NAV2: variants seen among roughly 807,000 people sequenced by gnomAD.
The protein encoded by NAV2 is helicase, APC down-regulated 1.
In NAV2, 54 loss-of-function variants were observed where a neutral mutation model predicts 223.2. The ratio of observed to expected loss-of-function variants is 0.24; its 90% CI spans 0.19 to 0.30. NAV2 has a LOEUF of 0.30. NAV2 is among the 10% of genes least tolerant of loss of function. NAV2 has a pLI of 1.00. For missense variants in NAV2, 2,806 were observed against 3,147.5 expected, an observed-to-expected ratio of 0.89 and a Z score of 2.60; for synonymous variants, 1,279 against 1,239.3, an observed-to-expected ratio of 1.03 and a Z score of -0.67.
chr11:20,004,380 T>C (rs964538119), intron 11 of NAV2, among the ~76,000 whole-genome samples: 4 of 152,168 alleles, frequency 2.6e-5, no homozygotes, highest in African/African-American at 9.7e-5. Context: ...CAAATGGGCA[T>C]GTAAAGTCCT....
chr11:19,587,121 C>A (rs1477079473), intron 1 of NAV2, among the ~76,000 whole-genome samples: 1 of 152,196 alleles, frequency 6.6e-6, no homozygotes, highest in African/African-American at 2.4e-5. Flanking sequence ...GCAGTTTGAT[C>A]TCAGATTGCT....
At position 20,057,468 on chromosome 11, in the gene NAV2, C is replaced by A. The variant is rs543204832; in HGVS notation, c.4831+1511C>A. ...GATTAAGGAGGGGAGAAGCCTGAGT[C>A]ACTGAGGGGCATTTGTGAGATTTAA... On this transcript the variant is annotated intron_variant, in intron 19 of 37. Coordinates refer to ENST00000349880, the MANE Select transcript of NAV2 (RefSeq NM_145117.5). Among the ~76,000 whole-genome samples the A allele has an allele frequency of 2.6e-5, 4 of 152,256 alleles. No homozygotes were observed. The South Asian group carries it at 8.3e-4, about 32-fold the overall frequency.
intron 3 of NAV2, among the ~76,000 whole-genome samples, chr11:19,852,478 C>A (rs546812197): frequency 2.0e-4 from 31 of 152,210 alleles, no homozygotes; most frequent in African/African-American, 7.5e-4. Flanking sequence ...ACATTGTGGG[C>A]CGATATACAT....
At chr11:19,992,169 A>G (rs2051400082) in intron 11 of NAV2, among the ~76,000 whole-genome samples, 1 of 152,260 alleles carries the variant, frequency 6.6e-6, no homozygotes. Flanking sequence ...TTTAAAGCTC[A>G]TAAAAGGAGC....
intron 1 of NAV2, among the ~76,000 whole-genome samples, chr11:19,526,215 C>T (rs1485821861): frequency 6.6e-6 from 1 of 152,180 alleles, no homozygotes; most frequent in African/African-American, 2.4e-5. Flanking sequence ...AAGCATAACT[C>T]TTAGAATGAG....
chr11:19,398,667 T>A (rs1849562742), intron 1 of NAV2, among the ~76,000 whole-genome samples: 1 of 152,138 alleles, frequency 6.6e-6, no homozygotes, highest in African/African-American at 2.4e-5. Context: ...CTTCCCTAAT[T>A]TCCTGAAGCT....
chr11:19,488,028 C>G (rs2042503072), intron 1 of NAV2, among the ~76,000 whole-genome samples: 2 of 152,176 alleles, frequency 1.3e-5, no homozygotes, highest in South Asian at 4.1e-4. Context: ...CCAGAGACAT[C>G]CTAAAAATTA....
At chr11:19,667,746 G>T (rs969519658) in intron 1 of NAV2, among the ~76,000 whole-genome samples, 17 of 152,190 alleles carry the variant, frequency 1.1e-4, no homozygotes, top group Admixed American at 3.3e-4. Context: ...TATGAGATTA[G>T]CTAGAAGCAC....
rs1027569334 is a variant in NAV2 at position 19,713,789 on chromosome 11, G to T, written c.94G>T (p.Ala32Ser). The T allele has an allele frequency of 6.2e-7, 1 of 1,612,944 alleles. No homozygotes were observed. ...CATCCTGCACGTGCCCCCGGCCCGG[G>T]CGGGCCCCCAGCCCTGCTACCTGAA... ...APILHVPPAR[A>S]GPQPCYLKLG... The change falls in exon 1 of 38, where the codon GCG (alanine) becomes TCG (serine). Residue 32 changes from alanine (A) to serine (S), a missense_variant. Coordinates refer to ENST00000349880, the MANE Select transcript of NAV2 (RefSeq NM_145117.5). The surrounding 1 kb of genome is among the most constrained non-coding windows in gnomAD (Gnocchi z 7.2).
upstream of NAV2, chr11:19,350,645 G>A (rs1417266678): frequency 1.2e-5 from 5 of 411,726 alleles, no homozygotes; most frequent in African/African-American, 1.0e-4. Context: ...TCAGGATATG[G>A]ACTTGTCTTT....
intron 1 of NAV2, among the ~76,000 whole-genome samples, chr11:19,750,589 C>T (rs2053724329): frequency 6.6e-6 from 1 of 152,204 alleles, no homozygotes; most frequent in Admixed American, 6.5e-5. Flanking sequence ...GTTAATGCTG[C>T]TTCCAGAGCA....
At chr11:19,732,266 A>G (rs1047307788) in intron 1 of NAV2, among the ~76,000 whole-genome samples, 2 of 151,856 alleles carry the variant, frequency 1.3e-5, no homozygotes, top group Non-Finnish European at 2.9e-5. Flanking sequence ...CTCAAGAAAA[A>G]AAAAAAAAGA....
At chr11:19,390,428 C>G (rs1304897202) in intron 1 of NAV2, among the ~76,000 whole-genome samples, 1 of 152,192 alleles carries the variant, frequency 6.6e-6, no homozygotes, top group Non-Finnish European at 1.5e-5. Context: ...AAATATGAAT[C>G]TGGTCCTTTT....
At chr11:20,043,850 T>C in intron 12 of NAV2, 131 bp from the exon 13 acceptor site, 1 of 791,754 alleles carries the variant, frequency 1.3e-6, no homozygotes, top group Non-Finnish European at 2.0e-6. Flanking sequence ...AGTACAAAAG[T>C]CCAAACATCT....
intron 11 of NAV2, among the ~76,000 whole-genome samples, chr11:20,002,112 A>T (rs1305680868): frequency 6.6e-6 from 1 of 152,208 alleles, no homozygotes; most frequent in Admixed American, 6.5e-5. Flanking sequence ...AAAGAGGGCA[A>T]GCTAGCTCTC....
intron 36 of NAV2, 130 bp from the exon 37 acceptor site, chr11:20,114,462 T>C (rs1279658259): frequency 2.4e-5 from 19 of 789,100 alleles, no homozygotes; most frequent in Admixed American, 1.1e-4. Context: ...GAGCATGGAA[T>C]AGAAGTGGAA....
At chr11:19,478,604 C>G (rs1024024087) in intron 1 of NAV2, among the ~76,000 whole-genome samples, 4 of 152,228 alleles carry the variant, frequency 2.6e-5, no homozygotes, top group Admixed American at 1.3e-4. Flanking sequence ...TGAGTTCTTG[C>G]TTCTGCAAAT....
intron 1 of NAV2, among the ~76,000 whole-genome samples, chr11:19,766,725 C>G (rs944156548): frequency 6.6e-5 from 10 of 152,292 alleles, no homozygotes; most frequent in African/African-American, 2.4e-4. Context: ...GGATCTCCTT[C>G]TATAGGCCAC....
chr11:19,659,892 A>G (rs1416228273), intron 1 of NAV2, among the ~76,000 whole-genome samples: 6 of 152,256 alleles, frequency 3.9e-5, no homozygotes, highest in African/African-American at 1.4e-4. Flanking sequence ...TGTTTCAATG[A>G]GTTACTCTCT....
Sources: allele counts gnomAD v4.1 joint callset (sites outside exome capture counted in the v4.1 genomes callset), GRCh38; gene constraint gnomAD v4.1.1; non-coding constraint Gnocchi (gnomAD v3.1); transcripts MANE v1.5; gene names NCBI Gene and HGNC (gene_info 2026-07-23, HGNC 2026-07-21).